B3GALT1: variants seen among roughly 807,000 people sequenced by gnomAD.
B3GALT1 encodes UDP-Gal:betaGlcNAc beta 1,3-galactosyltransferase, polypeptide 1.
B3GALT1 carries 10 observed loss-of-function variants against 23.2 expected under a neutral mutation model. That is an observed-to-expected ratio of 0.43 (90% CI 0.27 to 0.73). The LOEUF (loss-of-function observed/expected upper bound fraction) is 0.73. Among genes scored for constraint, B3GALT1 ranks in the 30% least tolerant of loss-of-function variants. The probability of loss-of-function intolerance (pLI) is 0.21; values close to 1 mark genes in which losing one functional copy is unlikely to be tolerated. For missense variants in B3GALT1, 299 were observed against 405.4 expected, an observed-to-expected ratio of 0.74 and a Z score of 2.25; for synonymous variants, 156 against 141.5, an observed-to-expected ratio of 1.10 and a Z score of -0.73.
chr2:167,685,665 A>G (rs1325171879), intron 3 of B3GALT1, among the ~76,000 whole-genome samples: 1 of 152,184 alleles, frequency 6.6e-6, no homozygotes, highest in East Asian at 1.9e-4. Flanking sequence ...TGAGTCAGAG[A>G]GAGAGCAGGG....
In B3GALT1 at chr2:167,494,428, T is replaced by A. The variant is rs181795181; in HGVS notation, c.-410+4151T>A. 7.6e-4 allele frequency among the ~76,000 whole-genome samples: 116 copies of A among 152,068 alleles called. 1 individual carries two copies. Among genetic ancestry groups the A allele is most frequent in the Admixed American group, 1.5e-3 (23 of 15,278 alleles). ...AAAATAGGAAAATGATGAAGTAAGT[T>A]AGTACCCTCATTCCAATGGAATGTT... On this transcript the variant is annotated intron_variant, in intron 2 of 4. Transcript: ENST00000392690.
intron 1 of B3GALT1, among the ~76,000 whole-genome samples, chr2:167,369,720 A>G (rs1438618962): frequency 6.6e-6 from 1 of 152,204 alleles, no homozygotes; most frequent in Non-Finnish European, 1.5e-5. Context: ...TTTAGTTTCA[A>G]TACGGCATGT....
At chr2:167,314,932 T>C (rs1320690025) in intron 1 of B3GALT1, among the ~76,000 whole-genome samples, 3 of 152,162 alleles carry the variant, frequency 2.0e-5, no homozygotes, top group African/African-American at 4.8e-5. Flanking sequence ...CCATTTCTAA[T>C]TAGAGAGCTG....
intron 2 of B3GALT1, among the ~76,000 whole-genome samples, chr2:167,512,592 GTGTAT>G (rs1700032862): frequency 2.5e-5 from 1 of 39,608 alleles, no homozygotes; most frequent in Admixed American, 2.8e-4. Context: ...ATATATATAT[GTGTAT>G]ATATATATAT....
intron 1 of B3GALT1, among the ~76,000 whole-genome samples, chr2:167,385,551 T>C (rs905205695): frequency 6.6e-6 from 1 of 151,440 alleles, no homozygotes; most frequent in Non-Finnish European, 1.5e-5. Flanking sequence ...AGGCCTGTGA[T>C]GGATTGATTT....
At chr2:167,727,465 C>A (rs1386608564) in intron 3 of B3GALT1, among the ~76,000 whole-genome samples, 1 of 152,086 alleles carries the variant, frequency 6.6e-6, no homozygotes. Context: ...CACTGTTTAG[C>A]CTACCACAGT....
intron 3 of B3GALT1, among the ~76,000 whole-genome samples, chr2:167,770,322 TC>T (rs1365011121): frequency 2.0e-5 from 3 of 152,230 alleles, no homozygotes; most frequent in South Asian, 2.1e-4. Context: ...TTGTGATATA[TC>T]ATTGTGGTTT....
At position 167,869,180 on chromosome 2, in the gene B3GALT1, C is replaced by T. The variant is rs750353415; in HGVS notation, c.141C>T (p.Asn47=). 6.8e-6 allele frequency: 11 copies of T among 1,614,074 alleles called. No individual in the cohort carries two copies. The highest frequency in any genetic ancestry group is 6.7e-5 in the East Asian group (3 of 44,898). The change falls in exon 5 of 5, where the codon AAC becomes AAT. Residue 47 remains asparagine, a synonymous_variant. Coordinates refer to ENST00000392690, the MANE Select transcript of B3GALT1 (RefSeq NM_020981.4). The surrounding 1 kb of genome is among the most constrained non-coding windows in gnomAD (Gnocchi z 6.4). ...PFSHLTVARK[N]FTFGNIRTRP... ...GCCACCTAACAGTTGCCAGGAAAAA[C>T]TTCACCTTTGGCAACATAAGAACTC...
In B3GALT1 at chr2:167,827,731, T is replaced by G. The variant is rs575669711; in HGVS notation, c.-230+8938T>G. On this transcript the variant is annotated intron_variant, in intron 4 of 4. Coordinates refer to ENST00000392690, the MANE Select transcript of B3GALT1 (RefSeq NM_020981.4). Reference sequence around the variant, plus strand: ...GCTTCAGCCACTGAGCAAACTGGAATGGAAACCAGAGCATTACACAATTCC... The same window carrying G: ...GCTTCAGCCACTGAGCAAACTGGAAGGGAAACCAGAGCATTACACAATTCC... Among the ~76,000 whole-genome samples the G allele has an allele frequency of 2.0e-4, 30 of 152,346 alleles. 1 individual carries two copies. Among genetic ancestry groups the G allele is most frequent in the African/African-American group, 7.2e-4 (30 of 41,590 alleles).
intron 1 of B3GALT1, among the ~76,000 whole-genome samples, chr2:167,300,934 T>C (rs1019545617): frequency 1.1e-4 from 17 of 152,178 alleles, no homozygotes; most frequent in African/African-American, 4.1e-4. Context: ...AACATCAGTG[T>C]CTTCTTCTAT....
intron 3 of B3GALT1, among the ~76,000 whole-genome samples, chr2:167,735,246 C>T (rs1687474007): frequency 6.6e-6 from 1 of 152,066 alleles, no homozygotes; most frequent in South Asian, 2.1e-4. Flanking sequence ...TGCAAAGAGC[C>T]CCTGGTTATA....
intron 2 of B3GALT1, among the ~76,000 whole-genome samples, chr2:167,560,711 G>A (rs1307097860): frequency 1.3e-5 from 2 of 151,876 alleles, no homozygotes; most frequent in East Asian, 1.9e-4. Context: ...GACAAAGAAG[G>A]CCATTACATA....
chr2:167,865,215 C>T (rs779855581), intron 4 of B3GALT1, among the ~76,000 whole-genome samples: 10 of 151,768 alleles, frequency 6.6e-5, no homozygotes, highest in Non-Finnish European at 1.3e-4. Context: ...TGGAGACCAG[C>T]CTGGCCAACA....
At chr2:167,568,453 C>G (rs970689581) in intron 2 of B3GALT1, among the ~76,000 whole-genome samples, 4 of 152,036 alleles carry the variant, frequency 2.6e-5, no homozygotes, top group Non-Finnish European at 5.9e-5. Flanking sequence ...GTAGTGGTCT[C>G]TCACTGGTTA....
At chr2:167,619,891 A>G (rs1685226886) in intron 2 of B3GALT1, among the ~76,000 whole-genome samples, 1 of 152,150 alleles carries the variant, frequency 6.6e-6, no homozygotes, top group African/African-American at 2.4e-5. Context: ...GTAATCAAAA[A>G]GGAACTATTT....
At chr2:167,682,238 T>G (rs1261904349) in intron 3 of B3GALT1, among the ~76,000 whole-genome samples, 1 of 152,196 alleles carries the variant, frequency 6.6e-6, no homozygotes, top group African/African-American at 2.4e-5. Context: ...GGCATTTTGA[T>G]CCAATGGAAT....
chr2:167,787,701 C>G (rs72878720), intron 3 of B3GALT1, among the ~76,000 whole-genome samples: 8 of 152,314 alleles, frequency 5.3e-5, no homozygotes, highest in Non-Finnish European at 1.2e-4. Context: ...ACAGGGCATG[C>G]TGCCCAGTGC....
At chr2:167,801,734 G>A (rs1688641329) in intron 3 of B3GALT1, among the ~76,000 whole-genome samples, 1 of 152,174 alleles carries the variant, frequency 6.6e-6, no homozygotes, top group African/African-American at 2.4e-5. Context: ...TGAATGTCAT[G>A]CCATAATACA....
intron 3 of B3GALT1, among the ~76,000 whole-genome samples, chr2:167,647,887 G>A (rs760634283): frequency 6.6e-6 from 1 of 152,036 alleles, no homozygotes; most frequent in Non-Finnish European, 1.5e-5. Flanking sequence ...ATGAAGAATG[G>A]GGTTTCCATC....
Sources: gnomAD v4.1 joint callset for allele counts (sites outside exome capture counted in the v4.1 genomes callset) on GRCh38, gnomAD v4.1.1 for gene constraint, Gnocchi (gnomAD v3.1) non-coding constraint, MANE v1.5 for transcripts, NCBI Gene and HGNC (gene_info 2026-07-23, HGNC 2026-07-21) for gene names.